Variants in UBE2J1 observed in about 807,000 individuals in gnomAD.
The protein encoded by UBE2J1 is ubiquitin-conjugating enzyme E2 J1.
Under a neutral mutation model 42.1 loss-of-function variants are expected in UBE2J1, and 17 were observed. That is an observed-to-expected ratio of 0.40 (90% confidence interval 0.28 to 0.61). The LOEUF is 0.61. Among genes scored for constraint, UBE2J1 ranks in the 20% least tolerant of loss-of-function variants. The probability of loss-of-function intolerance (pLI) is 0.38; values close to 1 mark genes in which losing one functional copy is unlikely to be tolerated. For missense variants in UBE2J1, 291 were observed against 389.4 expected, an observed-to-expected ratio of 0.75 and a Z score of 2.13; for synonymous variants, 127 against 137.2, an observed-to-expected ratio of 0.93 and a Z score of 0.52.
chr6:89,344,710 C>A (rs1359865441), intron 1 of UBE2J1, among the ~76,000 whole-genome samples: 1 of 152,202 alleles, frequency 6.6e-6, no homozygotes, highest in Non-Finnish European at 1.5e-5. Context: ...GTAGGCCTTC[C>A]AGCCTACTCT....
Position 89,342,365 on chromosome 6 carries a change from G to T in UBE2J1, c.196C>A (p.Pro66Thr). Residue 66 changes from proline to threonine, a missense_variant, in exon 3 of 8, where the codon CCA (proline) becomes ACA (threonine). Coordinates refer to ENST00000435041, the MANE Select transcript of UBE2J1 (RefSeq NM_016021.3). The part of the protein sequence containing the change: ...GVYHGRIVLP[P>T]EYPMKPPSII... Reference sequence around the variant, plus strand: ...CTTGGTGGTTTCATGGGATACTCTGGTGGCAGTACTATCCGCCCGTGATAA... The same window carrying T: ...CTTGGTGGTTTCATGGGATACTCTGTTGGCAGTACTATCCGCCCGTGATAA... 6.2e-7 allele frequency: 1 copy of T among 1,614,032 alleles called. No homozygotes were observed. Among genetic ancestry groups the T allele is most frequent in the Non-Finnish European group, 8.5e-7 (1 of 1,179,988 alleles).
Position 89,335,525 on chromosome 6 carries a change from AG to A in UBE2J1, c.429-95del, listed in dbSNP as rs569970397. ...CAAATGCTCGATCATTAAACTTAAA[AG>A]AAAGGAACACTGGAAAATTCCACAT... On this transcript the variant is annotated intron_variant, in intron 5 of 7. Transcript: ENST00000435041. 616 of 920,030 alleles carry A rather than the reference AG, an allele frequency of 6.7e-4. 7 individuals carry two copies. The African/African-American group carries it at 9.0e-3, about 13-fold the overall frequency. 57.0% of individuals were successfully genotyped at this position (920,030 alleles called of 1,614,324 possible).
Position 89,329,962 on chromosome 6 carries a change from G to A in UBE2J1, c.679-5C>T. The stretch of plus-strand genomic sequence containing the variant: ...TGAGGAATTCTGGAGTCCGTACTAG[G>A]AAATTTTAAGAAACTTTGTTTGAAA... On this transcript the variant is annotated splice_polypyrimidine_tract_variant and splice_region_variant and intron_variant, in intron 7 of 7. Transcript: ENST00000435041. 6.2e-7 allele frequency: 1 copy of A among 1,612,940 alleles called. No individual in the cohort carries two copies. The highest frequency in any genetic ancestry group is 8.5e-7 in the Non-Finnish European group (1 of 1,179,582).
chr6:89,333,769 T>C (rs944306812), intron 6 of UBE2J1, among the ~76,000 whole-genome samples: 11 of 152,130 alleles, frequency 7.2e-5, no homozygotes, highest in African/African-American at 2.7e-4. Flanking sequence ...TTAAGTGTAA[T>C]AGGAATCCTC....
intron 1 of UBE2J1, among the ~76,000 whole-genome samples, chr6:89,349,065 C>T (rs925638126): frequency 5.3e-5 from 8 of 152,034 alleles, no homozygotes; most frequent in African/African-American, 1.7e-4. Flanking sequence ...GTGAAACCCT[C>T]GTCTCTACAA....
intron 3 of UBE2J1, among the ~76,000 whole-genome samples, 163 bp from the exon 4 acceptor site, chr6:89,338,706 C>T (rs1417130897): frequency 2.2e-5 from 3 of 136,040 alleles, no homozygotes; most frequent in African/African-American, 8.1e-5. Context: ...CGCTCTGTCA[C>T]CCAGGCTGGA....
At position 89,343,706 on chromosome 6, in the gene UBE2J1, G is replaced by A; in HGVS notation, c.82C>T (p.His28Tyr). ...EAAELKDPTD[H>Y]YHAQPLEDNL... ...ACCTCTAAAGGCTGCGCATGGTAATGATCTGTTGGATCTTTCAATTCTGCC... is the reference window on the plus strand; with the variant it reads ...ACCTCTAAAGGCTGCGCATGGTAATAATCTGTTGGATCTTTCAATTCTGCC... Residue 28 changes from histidine to tyrosine, a missense_variant, in exon 2 of 8, where the codon CAT becomes TAT. His to Tyr is a moderately conservative substitution (Grantham distance 83, BLOSUM62 2). Coordinates refer to ENST00000435041, the MANE Select transcript of UBE2J1 (RefSeq NM_016021.3). 3 of 1,609,486 alleles carry A rather than the reference G, an allele frequency of 1.9e-6. No homozygotes were observed. The highest frequency in any genetic ancestry group is 2.5e-6 in the Non-Finnish European group (3 of 1,178,042).
At chr6:89,344,773 T>C (rs1378740360) in intron 1 of UBE2J1, among the ~76,000 whole-genome samples, 1 of 152,204 alleles carries the variant, frequency 6.6e-6, no homozygotes, top group East Asian at 1.9e-4. Context: ...TCTCCTCTCT[T>C]TCAGTTAATG....
intron 1 of UBE2J1, among the ~76,000 whole-genome samples, chr6:89,347,620 C>T (rs2127873294): frequency 6.6e-6 from 1 of 152,338 alleles, no homozygotes. Context: ...GTCACTCAGG[C>T]ACATACCATG....
In UBE2J1 at chr6:89,328,739, TG is replaced by T. The variant is rs1325324073; in HGVS notation, c.*939del. ...TTTTCTAACTTCTATCACTGTTACT[TG>T]GGCCCTGAGGTTTTCTATTAAAATA... is the stretch of plus-strand genomic sequence containing the variant. On this transcript the variant is annotated 3_prime_UTR_variant, in exon 8 of 8. Coordinates refer to ENST00000435041, the MANE Select transcript of UBE2J1 (RefSeq NM_016021.3). 2.6e-5 allele frequency: 4 copies of T among 152,344 alleles called. No homozygotes were observed. In the East Asian group the frequency reaches 7.7e-4, roughly 29 times the overall value. 9.4% of individuals were successfully genotyped at this position (152,344 alleles called of 1,614,324 possible).
intron 2 of UBE2J1, 38 bp from the exon 3 acceptor site, chr6:89,342,493 T>C: frequency 1.3e-6 from 2 of 1,532,918 alleles, no homozygotes; most frequent in Non-Finnish European, 1.8e-6. Flanking sequence ...ATTAATAATA[T>C]TGAAAAGTTT....
At chr6:89,345,116 G>T (rs1387339413) in intron 1 of UBE2J1, among the ~76,000 whole-genome samples, 1 of 152,180 alleles carries the variant, frequency 6.6e-6, no homozygotes, top group Non-Finnish European at 1.5e-5. Flanking sequence ...AAGAGAAAAG[G>T]AGTCAGGTAC....
chr6:89,328,750 G>T lies in UBE2J1; in HGVS notation c.*929C>A, dbSNP rs923502762. The T allele has an allele frequency of 6.6e-6, 1 of 151,982 alleles. No homozygotes were observed. Among genetic ancestry groups the T allele is most frequent in the Admixed American group, 6.6e-5 (1 of 15,260 alleles). The allele number at this position is 151,982 out of a possible 1,614,324, so 9.4% of individuals were successfully genotyped here. A position where few individuals can be genotyped will look rare whatever the true frequency, so the allele number is the denominator to read the frequency against. ...CTATCACTGTTACTTGGGCCCTGAGGTTTTCTATTAAAATAGGACATGAAA... is the reference window on the plus strand; with the variant it reads ...CTATCACTGTTACTTGGGCCCTGAGTTTTTCTATTAAAATAGGACATGAAA... On this transcript the variant is annotated 3_prime_UTR_variant, in exon 8 of 8. Transcript: ENST00000435041.
At chr6:89,352,388 G>C in intron 1 of UBE2J1, 151 bp downstream of exon 1, 1 of 889,676 alleles carries the variant, frequency 1.1e-6, no homozygotes, top group East Asian at 3.3e-5. Flanking sequence ...CCTGCGGCCT[G>C]TACTTCCCGG....
chr6:89,342,366 T>C lies in UBE2J1; in HGVS notation c.195A>G (p.Pro65=), dbSNP rs1487713996. The C allele has an allele frequency of 1.9e-6, 3 of 1,614,112 alleles. No homozygotes were observed. The South Asian group carries it at 3.3e-5, about 18-fold the overall frequency. The change falls in exon 3 of 8, where the codon CCA becomes CCG. Residue 65 remains proline, a synonymous_variant. Coordinates refer to ENST00000435041, the MANE Select transcript of UBE2J1 (RefSeq NM_016021.3). ...TTGGTGGTTTCATGGGATACTCTGG[T>C]GGCAGTACTATCCGCCCGTGATAAA... ...GGVYHGRIVL[P]PEYPMKPPSI...
chr6:89,347,184 C>T (rs745430365), intron 1 of UBE2J1, among the ~76,000 whole-genome samples: 2 of 152,192 alleles, frequency 1.3e-5, no homozygotes, highest in Non-Finnish European at 2.9e-5. Context: ...CCCTGTCCTT[C>T]CATTTCACTC....
chr6:89,338,398 C>T, intron 4 of UBE2J1, 61 bp downstream of exon 4: 1 of 1,565,192 alleles, frequency 6.4e-7, no homozygotes, highest in Non-Finnish European at 8.8e-7. Flanking sequence ...GAGTATTATA[C>T]TTCATAACTA....
intron 1 of UBE2J1, among the ~76,000 whole-genome samples, chr6:89,347,079 A>C (rs1262113163): frequency 1.3e-5 from 2 of 152,218 alleles, no homozygotes; most frequent in African/African-American, 2.4e-5. Flanking sequence ...TCCTTCATTC[A>C]AAGAAAGCTT....
chr6:89,341,164 G>A (rs554418627), intron 3 of UBE2J1, among the ~76,000 whole-genome samples: 27 of 152,226 alleles, frequency 1.8e-4, no homozygotes, highest in Non-Finnish European at 3.7e-4. Context: ...GATGAAGGCT[G>A]AGGAGAAGCA....
Sources: allele counts gnomAD v4.1 joint callset (sites outside exome capture counted in the v4.1 genomes callset), GRCh38; gene constraint gnomAD v4.1.1; transcripts MANE v1.5; gene names NCBI Gene and HGNC (gene_info 2026-07-23, HGNC 2026-07-21).